Variants in ITGAE observed in about 807,000 individuals in gnomAD.
The protein encoded by ITGAE is integrin alpha-E.
Under a neutral mutation model 136.5 loss-of-function variants are expected in ITGAE, and 99 were observed. That is an observed-to-expected ratio of 0.73 (90% CI 0.62 to 0.86). ITGAE has a LOEUF of 0.86. Ranked by LOEUF, ITGAE falls within the 40% of genes least tolerant of loss-of-function variation. The probability of loss-of-function intolerance (pLI) is 0.00; values close to 1 mark genes in which losing one functional copy is unlikely to be tolerated. For missense variants in ITGAE, 1,447 were observed against 1,515.3 expected (o/e 0.95, Z 0.75); for synonymous variants, 613 against 591.8 (o/e 1.04, Z -0.52).
At chr17:3,769,403 T>C (rs925539986) in intron 2 of ITGAE, among the ~76,000 whole-genome samples, 43 of 138,510 alleles carry the variant, frequency 3.1e-4, no homozygotes, top group African/African-American at 1.2e-3. Context: ...CTGTGCAGGG[T>C]GCGCACTGCA....
At position 3,750,471 on chromosome 17, in the gene ITGAE, G is replaced by T; in HGVS notation, c.1905C>A (p.Ala635=). Residue 635 remains alanine, a synonymous_variant, in exon 16 of 31, where the codon GCC becomes GCA. Transcript: ENST00000263087. The stretch of plus-strand genomic sequence containing the variant: ...ACTGGAGTCCTGGGGCCACCGTGGA[G>T]GCTCTGATCCGCTGTGGAGGCAGAA... ...LSASPSQRIR[A]STVAPGLQYF... 1 of 1,614,154 alleles carries T rather than the reference G, an allele frequency of 6.2e-7. No homozygotes were observed. Among genetic ancestry groups the T allele is most frequent in the Non-Finnish European group, 8.5e-7 (1 of 1,180,018 alleles).
intron 20 of ITGAE, among the ~76,000 whole-genome samples, chr17:3,737,047 A>G (rs1247608967): frequency 2.0e-5 from 3 of 152,088 alleles, no homozygotes; most frequent in African/African-American, 7.2e-5. Context: ...TAATCCCAGC[A>G]CTTTGGGAGG....
chr17:3,776,749 G>GC (rs996012353), intron 2 of ITGAE, among the ~76,000 whole-genome samples: 11 of 151,764 alleles, frequency 7.2e-5, no homozygotes, highest in Admixed American at 2.0e-4. Flanking sequence ...TGAGTTGGGG[G>GC]GGTCTCACTA....
intron 2 of ITGAE, among the ~76,000 whole-genome samples, chr17:3,775,895 G>C (rs1428386215): frequency 6.6e-6 from 1 of 152,024 alleles, no homozygotes; most frequent in Non-Finnish European, 1.5e-5. Context: ...GGTGGTGATC[G>C]CAATTCACAC....
intron 8 of ITGAE, among the ~76,000 whole-genome samples, chr17:3,758,900 C>T (rs879638409): frequency 3.3e-4 from 50 of 151,270 alleles, no homozygotes; most frequent in African/African-American, 9.7e-4. Flanking sequence ...CCGAGGCGGG[C>T]GGATCACGAG....
intron 20 of ITGAE, among the ~76,000 whole-genome samples, chr17:3,738,240 G>A (rs1046723123): frequency 1.4e-5 from 2 of 147,032 alleles, no homozygotes; most frequent in East Asian, 2.0e-4. Flanking sequence ...GAGCGATCTC[G>A]GCTCACTGCA....
chr17:3,799,520 TG>T lies in ITGAE; in HGVS notation c.34+1590del, dbSNP rs1402640873. ...ATGAGCCACAGGAGTATTCTGGAGC[TG>T]GGAGGCAGGACAGAGGCCTGGGCTT... is the stretch of plus-strand genomic sequence containing the variant. On this transcript the variant is annotated intron_variant, in intron 1 of 30. Coordinates refer to ENST00000263087, the MANE Select transcript of ITGAE (RefSeq NM_002208.5). The surrounding 1 kb of genome is among the most constrained non-coding windows in gnomAD (Gnocchi z 4.1). 1.3e-5 allele frequency among the ~76,000 whole-genome samples: 2 copies of T among 152,128 alleles called. No individual in the cohort carries two copies. Among genetic ancestry groups the T allele is most frequent in the African/African-American group, 4.8e-5 (2 of 41,422 alleles).
chr17:3,751,786 T>A lies in ITGAE; in HGVS notation c.1757A>T (p.Asp586Val). 2 of 1,613,874 alleles carry A rather than the reference T, an allele frequency of 1.2e-6. No individual in the cohort carries two copies. The highest frequency in any genetic ancestry group is 1.7e-6 in the Non-Finnish European group (2 of 1,179,940). Residue 586 changes from aspartate (D) to valine (V), a missense_variant, in exon 15 of 31, where the codon GAT becomes GTT. Physicochemically the swap from Asp to Val is radical, Grantham distance 152 (BLOSUM62 -3). Transcript: ENST00000263087. ...RFGFAMAAMG[D>V]LSQDKLTDVA... ...ATCTGTGAGCTTATCCTGACTGAGA[T>A]CCCCCATAGCCGCCATGGCAAAGCC...
In ITGAE at chr17:3,730,785, A is replaced by G. The variant is rs549985172; in HGVS notation, c.2834+319T>C. 2.0e-5 allele frequency among the ~76,000 whole-genome samples: 3 copies of G among 152,218 alleles called. No homozygotes were observed. In the East Asian group the frequency reaches 5.8e-4, roughly 29 times the overall value. On this transcript the variant is annotated intron_variant, in intron 23 of 30. Transcript: ENST00000263087. ...GCAGCGTTCCCCACCTTACCCCCCAACACAGAGGTCTTGCAGGTAACATAG... is the reference window on the plus strand; with the variant it reads ...GCAGCGTTCCCCACCTTACCCCCCAGCACAGAGGTCTTGCAGGTAACATAG...
intron 8 of ITGAE, among the ~76,000 whole-genome samples, chr17:3,758,316 G>A (rs1425099451): frequency 1.3e-5 from 2 of 152,124 alleles, no homozygotes; most frequent in East Asian, 3.9e-4. Flanking sequence ...TGTGATCATG[G>A]CTCACTGCAT....
At chr17:3,768,578 C>T (rs549424432) in intron 2 of ITGAE, among the ~76,000 whole-genome samples, 5 of 152,320 alleles carry the variant, frequency 3.3e-5, no homozygotes, top group East Asian at 3.9e-4. Flanking sequence ...CCCTCCACCG[C>T]GCTGTTTCCT....
intron 2 of ITGAE, among the ~76,000 whole-genome samples, chr17:3,770,656 A>AG (rs141609372): frequency 1.2e-4 from 18 of 151,860 alleles, no homozygotes; most frequent in African/African-American, 4.3e-4. Context: ...CTCAGGCCCC[A>AG]CTCTCTGCAG....
At chr17:3,721,262 T>A (rs1472426488) in intron 28 of ITGAE, among the ~76,000 whole-genome samples, 1 of 36,284 alleles carries the variant, frequency 2.8e-5, no homozygotes, top group African/African-American at 4.5e-4. Flanking sequence ...GATTTTTCCT[T>A]TTTTTTTTTT....
intron 2 of ITGAE, among the ~76,000 whole-genome samples, chr17:3,771,632 C>A (rs952469322): frequency 2.8e-4 from 43 of 151,610 alleles, no homozygotes; most frequent in African/African-American, 1.0e-3. Context: ...CCTCCGCCTC[C>A]CGGGTTCAAG....
chr17:3,759,260 T>C, intron 8 of ITGAE, 142 bp downstream of exon 8: 3 of 893,832 alleles, frequency 3.4e-6, no homozygotes, highest in Non-Finnish European at 5.1e-6. Context: ...TGAGGTGTCA[T>C]CCCTCACGTT....
rs141240540 is a variant in ITGAE at position 3,746,483 on chromosome 17, A to T, written c.2156-556T>A. Among the ~76,000 whole-genome samples, 75 of 148,104 alleles carry T rather than the reference A, an allele frequency of 5.1e-4. No individual in the cohort carries two copies. In the East Asian group the frequency reaches 0.014, roughly 28 times the overall value. ...TCTTTTTTTTTTTCCTTTGAGACAG[A>T]GTCTCGCTGTCACCCAGGCTGGAGT... is the stretch of plus-strand genomic sequence containing the variant. On this transcript the variant is annotated intron_variant, in intron 17 of 30. Coordinates refer to ENST00000263087, the MANE Select transcript of ITGAE (RefSeq NM_002208.5).
intron 29 of ITGAE, among the ~76,000 whole-genome samples, chr17:3,719,438 A>G (rs1239862726): frequency 6.6e-6 from 1 of 152,168 alleles, no homozygotes; most frequent in African/African-American, 2.4e-5. Context: ...TAAAGAGCTC[A>G]GAGCTCACAG....
At chr17:3,750,213 G>A in intron 16 of ITGAE, 139 bp downstream of exon 16, 7 of 1,226,426 alleles carry the variant, frequency 5.7e-6, no homozygotes, top group Admixed American at 2.3e-5. Context: ...AAACCCAGAC[G>A]GGCAGACTCC....
intron 5 of ITGAE, 105 bp downstream of exon 5, chr17:3,761,298 T>G (rs539543497): frequency 1.4e-5 from 22 of 1,546,622 alleles, no homozygotes; most frequent in Non-Finnish European, 1.7e-5. Flanking sequence ...CTTGCTCCAC[T>G]GTGGGCCTGC....
Sources: allele counts gnomAD v4.1 joint callset (sites outside exome capture counted in the v4.1 genomes callset), GRCh38; gene constraint gnomAD v4.1.1; non-coding constraint Gnocchi (gnomAD v3.1); transcripts MANE v1.5; gene names NCBI Gene and HGNC (gene_info 2026-07-23, HGNC 2026-07-21).